Variants in GPC6 observed in about 807,000 individuals in gnomAD.
GPC6 encodes the protein glypican 6, also known as glypican-6.
GPC6 carries 14 observed loss-of-function variants against 55.2 expected under a neutral mutation model. The observed-to-expected ratio is 0.25, with a 90% CI of 0.17 to 0.40. GPC6 has a LOEUF of 0.40. GPC6 is among the 10% of genes least tolerant of loss of function. GPC6 has a pLI of 1.00. For synonymous variants in GPC6, 278 were observed against 259.6 expected, an observed-to-expected ratio of 1.07 and a Z score of -0.68; for missense variants, 641 against 708.5, an observed-to-expected ratio of 0.90 and a Z score of 1.08.
intron 1 of GPC6, among the ~76,000 whole-genome samples, chr13:93,437,892 A>T (rs2139283896): frequency 6.6e-6 from 1 of 152,324 alleles, no homozygotes; most frequent in Admixed American, 6.5e-5. Flanking sequence ...CTGGCTTCAA[A>T]GCTTCAAAGG....
intron 2 of GPC6, among the ~76,000 whole-genome samples, chr13:93,795,812 C>T (rs984900499): frequency 2.0e-5 from 3 of 152,080 alleles, no homozygotes; most frequent in Non-Finnish European, 4.4e-5. Flanking sequence ...GCAGTATGTA[C>T]TCATGACCTG....
intron 2 of GPC6, among the ~76,000 whole-genome samples, chr13:93,556,686 C>T (rs1371791356): frequency 6.6e-6 from 1 of 151,850 alleles, no homozygotes; most frequent in Non-Finnish European, 1.5e-5. Flanking sequence ...CCCACCTCTC[C>T]ACCACTCACT....
chr13:93,223,638 T>C (rs1875678429), upstream of GPC6, among the ~76,000 whole-genome samples: 1 of 152,042 alleles, frequency 6.6e-6, no homozygotes, highest in African/African-American at 2.4e-5. Context: ...GAGAAGGGGT[T>C]TCGCCATGTT....
chr13:93,774,800 T>C (rs6492679), intron 2 of GPC6, among the ~76,000 whole-genome samples: 10,602 of 152,132 alleles, frequency 0.07, 775 homozygotes, highest in South Asian at 0.19. Context: ...CTGTACTTGA[T>C]TGGGGGAGAC....
At chr13:93,304,026 G>C (rs944339508) in intron 1 of GPC6, among the ~76,000 whole-genome samples, 1 of 151,870 alleles carries the variant, frequency 6.6e-6, no homozygotes, top group African/African-American at 2.4e-5. Flanking sequence ...TCACCACCAT[G>C]CTTGGCTAAT....
chr13:93,918,235 C>T (rs1877392046), intron 3 of GPC6, among the ~76,000 whole-genome samples: 1 of 152,136 alleles, frequency 6.6e-6, no homozygotes, highest in East Asian at 1.9e-4. Context: ...ATTTTCAGCA[C>T]CTAATATGTA....
At chr13:93,495,311 C>T (rs931737107) in intron 1 of GPC6, among the ~76,000 whole-genome samples, 10 of 150,350 alleles carry the variant, frequency 6.7e-5, no homozygotes, top group Non-Finnish European at 1.0e-4. Flanking sequence ...TCCAGTTGAT[C>T]GCATCAGCTC....
chr13:93,252,271 T>TCC (rs147227462), intron 1 of GPC6, among the ~76,000 whole-genome samples: 1 of 152,084 alleles, frequency 6.6e-6, no homozygotes, highest in African/African-American at 2.4e-5. Flanking sequence ...CCCTTTTTTT[T>TCC]CCCCCCAGGG....
At position 94,405,116 on chromosome 13, in the gene GPC6, A is replaced by G. The variant is rs578042934; in HGVS notation, c.*1899A>G. On this transcript the variant is annotated 3_prime_UTR_variant, in exon 9 of 9. Coordinates refer to ENST00000377047, the MANE Select transcript of GPC6 (RefSeq NM_005708.5). The stretch of plus-strand genomic sequence containing the variant: ...AGTAGAACACATGTGGCACAATAGT[A>G]TTAAGTATATTTGAGCACTTTTGCA... 27 of 152,370 alleles carry G rather than the reference A, an allele frequency of 1.8e-4. No homozygotes were observed. The highest frequency in any genetic ancestry group is 5.8e-4 in the African/African-American group (24 of 41,588). 9.4% of individuals were successfully genotyped at this position (152,370 alleles called of 1,614,324 possible). A position where few individuals can be genotyped will look rare whatever the true frequency, so the allele number is the denominator to read the frequency against.
chr13:94,286,256 T>C, intron 4 of GPC6, 93 bp from the exon 5 acceptor site: 1 of 1,343,066 alleles, frequency 7.4e-7, no homozygotes, highest in Admixed American at 1.8e-5. Flanking sequence ...TGCACCATTA[T>C]TTTTCATCCA....
intron 1 of GPC6, among the ~76,000 whole-genome samples, chr13:93,312,461 A>G (rs1232835467): frequency 6.6e-6 from 1 of 152,176 alleles, no homozygotes; most frequent in East Asian, 1.9e-4. Context: ...CCAGTGGTTT[A>G]TTTATTAATA....
At chr13:93,756,382 C>A (rs1594430169) in intron 2 of GPC6, among the ~76,000 whole-genome samples, 2 of 152,266 alleles carry the variant, frequency 1.3e-5, no homozygotes, top group Admixed American at 1.3e-4. Flanking sequence ...ACAGTGCAGT[C>A]TCTTCCCAAA....
intron 1 of GPC6, among the ~76,000 whole-genome samples, chr13:93,348,959 T>A (rs547836659): frequency 6.6e-6 from 1 of 152,292 alleles, no homozygotes; most frequent in Non-Finnish European, 1.5e-5. Context: ...GTGTCTGAAA[T>A]AACATTCTGC....
At chr13:93,435,773 G>C (rs542331967) in intron 1 of GPC6, among the ~76,000 whole-genome samples, 2 of 152,268 alleles carry the variant, frequency 1.3e-5, no homozygotes, top group South Asian at 4.1e-4. Flanking sequence ...AGCTATAAAG[G>C]CAAGGCAGAT....
rs1287707463 is a variant in GPC6 at position 93,898,991 on chromosome 13, C to T, written c.711+68446C>T. On this transcript the variant is annotated intron_variant, in intron 3 of 8. Transcript: ENST00000377047. Reference sequence around the variant, plus strand: ...TACACACACATATATATACATACATCCCAGATATATAGCTTTGCTTTTAAT... The same window carrying T: ...TACACACACATATATATACATACATTCCAGATATATAGCTTTGCTTTTAAT... Among the ~76,000 whole-genome samples, 3 of 144,226 alleles carry T rather than the reference C, an allele frequency of 2.1e-5. No individual in the cohort carries two copies. The East Asian group carries it at 6.3e-4, about 30-fold the overall frequency. The allele number at this position is 144,226 out of a possible 152,430, so 94.6% of individuals were successfully genotyped here. A position where few individuals can be genotyped will look rare whatever the true frequency, so the allele number is the denominator to read the frequency against.
At chr13:94,263,902 C>T (rs1891720020) in intron 4 of GPC6, among the ~76,000 whole-genome samples, 1 of 152,148 alleles carries the variant, frequency 6.6e-6, no homozygotes, top group African/African-American at 2.4e-5. Context: ...GAATAGTCAA[C>T]GCCATTGATT....
At chr13:94,358,563 A>G (rs911735255) in intron 6 of GPC6, among the ~76,000 whole-genome samples, 4 of 152,202 alleles carry the variant, frequency 2.6e-5, no homozygotes, top group South Asian at 2.1e-4. Flanking sequence ...TGGAGAGATC[A>G]CACTGTCTAC....
intron 1 of GPC6, among the ~76,000 whole-genome samples, chr13:93,328,446 C>A (rs965554479): frequency 2.0e-5 from 3 of 151,936 alleles, no homozygotes; most frequent in Admixed American, 6.6e-5. Flanking sequence ...GACTGAGGCA[C>A]AAGGATCGCT....
intron 3 of GPC6, among the ~76,000 whole-genome samples, chr13:93,859,069 G>T (rs748523305): frequency 6.6e-6 from 1 of 151,352 alleles, no homozygotes; most frequent in African/African-American, 2.4e-5. Context: ...CATCTCTGTG[G>T]GGTCTATACT....
Sources: gnomAD v4.1 joint callset for allele counts (sites outside exome capture counted in the v4.1 genomes callset) on GRCh38, gnomAD v4.1.1 for gene constraint, MANE v1.5 for transcripts, NCBI Gene and HGNC (gene_info 2026-07-23, HGNC 2026-07-21) for gene names.